WNT2B: variants seen among roughly 807,000 people sequenced by gnomAD.
The protein encoded by WNT2B is Wnt family member 2B, also known as protein Wnt-2b.
A neutral mutation model predicts 40.5 loss-of-function variants in WNT2B; 19 were observed. The ratio of observed to expected loss-of-function variants is 0.47; its 90% confidence interval spans 0.33 to 0.69. The LOEUF (loss-of-function observed/expected upper bound fraction) is 0.69, where lower values mean the gene tolerates loss of function less well. WNT2B is among the 30% of genes least tolerant of loss of function. The pLI is 0.02. For synonymous variants in WNT2B, 220 were observed against 211.9 expected (o/e 1.04, Z -0.33); for missense variants, 467 against 556.4 (o/e 0.84, Z 1.62).
intron 1 of WNT2B, among the ~76,000 whole-genome samples, chr1:112,511,458 A>G (rs902699104): frequency 6.6e-6 from 1 of 152,182 alleles, no homozygotes. Context: ...CTAAGCCCCC[A>G]AGCCTTTCTC....
At chr1:112,487,176 C>T (rs1651443687) in intron 1 of WNT2B, among the ~76,000 whole-genome samples, 1 of 152,086 alleles carries the variant, frequency 6.6e-6, no homozygotes, top group Non-Finnish European at 1.5e-5. Flanking sequence ...CTCAATTATG[C>T]TAGTGAAAGA....
Position 112,515,149 on chromosome 1 carries a change from T to C in WNT2B, c.403+55T>C, listed in dbSNP as rs1291262378. 1 of 1,576,038 alleles carries C rather than the reference T, an allele frequency of 6.3e-7. No individual in the cohort carries two copies. The highest frequency in any genetic ancestry group is 8.6e-7 in the Non-Finnish European group (1 of 1,157,988). ...CCTTCCCTTTCTGTGCTGGGGGTGG[T>C]GAGTGGGAAGAGTAGGCAAGATCTC... On this transcript the variant is annotated intron_variant, in intron 2 of 4. Transcript: ENST00000369684. The surrounding 1 kb of genome is among the most constrained non-coding windows in gnomAD (Gnocchi z 4.4).
chr1:112,497,865 G>A (rs1474381474), intron 1 of WNT2B, among the ~76,000 whole-genome samples: 1 of 151,626 alleles, frequency 6.6e-6, no homozygotes, highest in Non-Finnish European at 1.5e-5. Flanking sequence ...AGTACCCCGA[G>A]CACTTTGCTG....
intron 1 of WNT2B, among the ~76,000 whole-genome samples, chr1:112,495,355 T>G (rs1651727226): frequency 6.6e-6 from 1 of 151,876 alleles, no homozygotes; most frequent in Non-Finnish European, 1.5e-5. Context: ...GGTGGGCAGA[T>G]CACGAGGTCA....
chr1:112,502,088 C>T (rs1161142760), intron 1 of WNT2B, among the ~76,000 whole-genome samples: 1 of 152,240 alleles, frequency 6.6e-6, no homozygotes, highest in Non-Finnish European at 1.5e-5. Context: ...GGGCTGGGGC[C>T]CTGGCCAGGC....
rs749473697 is a variant in WNT2B, at chr1:112,516,257, G to A, written c.521G>A (p.Gly174Asp). 6.2e-7 allele frequency: 1 copy of A among 1,614,128 alleles called. No homozygotes were observed. Among genetic ancestry groups the A allele is most frequent in the Non-Finnish European group, 8.5e-7 (1 of 1,180,038 alleles). The change falls in exon 3 of 5, where the codon GGC (glycine) becomes GAC (aspartate). Residue 174 changes from glycine to aspartate, a missense_variant. Coordinates refer to ENST00000369684, the MANE Select transcript of WNT2B (RefSeq NM_024494.3). ...TGCAGCTGTGACCCCTACACCCGTG[G>A]CCGACACCATGACCAGCGTGGGGAC... The part of the protein sequence containing the change: ...SVCSCDPYTR[G>D]RHHDQRGDFD...
chr1:112,467,315 G>A, exon 1 of WNT2B: 2 of 509,846 alleles, frequency 3.9e-6, no homozygotes, highest in South Asian at 6.0e-5. Context: ...TATTTGGTGG[G>A]CCACTGGAAG....
In WNT2B at chr1:112,494,037, C is replaced by T. The variant is rs1557913298; in HGVS notation, c.-94-20837C>T. 4.0e-5 allele frequency among the ~76,000 whole-genome samples: 6 copies of T among 151,886 alleles called. No individual in the cohort carries two copies. In the East Asian group the frequency reaches 7.7e-4, roughly 20 times the overall value. On this transcript the variant is annotated intron_variant, in intron 1 of 4. Transcript: ENST00000256640. ...AAAAAGTACATCTACCGGCCAGGCG[C>T]GGTGGCTCATGCCTGTAATCCCAGC...
chr1:112,477,917 A>G (rs1208769960), intron 1 of WNT2B, among the ~76,000 whole-genome samples: 2 of 152,342 alleles, frequency 1.3e-5, no homozygotes, highest in East Asian at 3.9e-4. Flanking sequence ...ACTGAAATCA[A>G]TATATGTATT....
chr1:112,481,840 A>G (rs961963402), intron 1 of WNT2B, among the ~76,000 whole-genome samples: 11 of 151,780 alleles, frequency 7.2e-5, no homozygotes, highest in African/African-American at 1.7e-4. Context: ...GGAGACCCCC[A>G]TATCTACAAA....
rs3828075 is a variant in WNT2B at position 112,509,314 on chromosome 1, G to T, written c.52G>T (p.Ala18Ser). 2.6e-6 allele frequency: 4 copies of T among 1,567,970 alleles called. No homozygotes were observed. The South Asian group carries it at 3.4e-5, about 13-fold the overall frequency. ...EEAAQLPLRRASAPVPVPSPA... is the reference protein window; with the variant it reads ...EEAAQLPLRRSSAPVPVPSPA... ...AGCTGCGCAGCTCCCGCTTCGGCGCGCCAGCGCCCCGGTCCCTGTGCCGTC... is the reference window on the plus strand; with the variant it reads ...AGCTGCGCAGCTCCCGCTTCGGCGCTCCAGCGCCCCGGTCCCTGTGCCGTC... The change falls in exon 1 of 5, where the codon GCC becomes TCC. Residue 18 changes from alanine (A) to serine (S), a missense_variant. By Grantham distance (99) the Ala-to-Ser change is moderately conservative (BLOSUM62 1). Coordinates refer to ENST00000369684, the MANE Select transcript of WNT2B (RefSeq NM_024494.3). This position sits in a 1 kb window ranked among gnomAD's most constrained non-coding sequence, Gnocchi z 4.2.
chr1:112,482,196 G>A (rs1182398964), intron 1 of WNT2B, among the ~76,000 whole-genome samples: 2 of 151,664 alleles, frequency 1.3e-5, no homozygotes, highest in Admixed American at 6.6e-5. Flanking sequence ...GTGCATGCCT[G>A]TGGTTCCAAC....
At position 112,497,425 on chromosome 1, in the gene WNT2B, T is replaced by C. The variant is rs372939456; in HGVS notation, c.-94-17449T>C. On this transcript the variant is annotated intron_variant, in intron 1 of 4. Coordinates refer to the WNT2B transcript ENST00000256640. ...CTGCCAAGGTTTATGGCTTGTGCCT[T>C]CTGGGGCAGCAGCCCCAGCTGCACC... 3.3e-5 allele frequency among the ~76,000 whole-genome samples: 5 copies of C among 152,242 alleles called. No homozygotes were observed. In the East Asian group the frequency reaches 7.7e-4, roughly 23 times the overall value.
chr1:112,511,387 A>T (rs1229714082), intron 1 of WNT2B, among the ~76,000 whole-genome samples: 1 of 152,160 alleles, frequency 6.6e-6, no homozygotes, highest in African/African-American at 2.4e-5. Flanking sequence ...ACAGGCCCAG[A>T]TGCCTGCCTC....
rs1186297421 is a variant in WNT2B, at chr1:112,528,449, C to G, written c.*7940C>G. ...ATTTATGTCAGTAAACATCAGGGCACCTATGGAAAAGCACAAGGATGAGTC... is the reference window on the plus strand; with the variant it reads ...ATTTATGTCAGTAAACATCAGGGCAGCTATGGAAAAGCACAAGGATGAGTC... On this transcript the variant is annotated 3_prime_UTR_variant, in exon 5 of 5. Transcript: ENST00000369684. 6.6e-6 allele frequency: 1 copy of G among 151,930 alleles called. No individual in the cohort carries two copies. The highest frequency in any genetic ancestry group is 1.5e-5 in the Non-Finnish European group (1 of 67,984). The allele number at this position is 151,930 out of a possible 1,614,324, so 9.4% of individuals were successfully genotyped here.
In WNT2B at chr1:112,527,031, C is replaced by T. The variant is rs894015436; in HGVS notation, c.*6522C>T. Reference sequence around the variant, plus strand: ...TGATCAAACACTTGCTGCTCTCAACCCCTCTTTGTTTTCCCATCCAAAATC... The same window carrying T: ...TGATCAAACACTTGCTGCTCTCAACTCCTCTTTGTTTTCCCATCCAAAATC... On this transcript the variant is annotated 3_prime_UTR_variant, in exon 5 of 5. Transcript: ENST00000369684. The T allele has an allele frequency of 6.6e-6, 1 of 152,200 alleles. No homozygotes were observed. Among genetic ancestry groups the T allele is most frequent in the African/African-American group, 2.4e-5 (1 of 41,450 alleles). The allele number at this position is 152,200 out of a possible 1,614,324, so 9.4% of individuals were successfully genotyped here.
intron 1 of WNT2B, chr1:112,467,676 A>T (rs1650746576): frequency 1.4e-6 from 1 of 713,350 alleles, no homozygotes; most frequent in African/African-American, 1.7e-5. Flanking sequence ...TTACATATTT[A>T]TGGGGTATAT....
Position 112,525,015 on chromosome 1 carries a change from G to A in WNT2B, c.*4506G>A, listed in dbSNP as rs1038491582. On this transcript the variant is annotated 3_prime_UTR_variant, in exon 5 of 5. Coordinates refer to ENST00000369684, the MANE Select transcript of WNT2B (RefSeq NM_024494.3). The stretch of plus-strand genomic sequence containing the variant: ...GGTGGTTGGGGGAAGGATGCAGGAA[G>A]GGCATGGTGAGGAGAGATCAGTGGT... 1 of 152,274 alleles carries A rather than the reference G, an allele frequency of 6.6e-6. No homozygotes were observed. The highest frequency in any genetic ancestry group is 2.4e-5 in the African/African-American group (1 of 41,454). The allele number at this position is 152,274 out of a possible 1,614,324, so 9.4% of individuals were successfully genotyped here.
intron 1 of WNT2B, 71 bp from the exon 2 acceptor site, chr1:112,514,793 GCTAAACGTAC>G (rs1262703761): frequency 2.2e-6 from 3 of 1,384,732 alleles, no homozygotes; most frequent in Non-Finnish European, 3.1e-6. Context: ...AGGTCTGGAT[GCTAAACGTAC>G]CCCTTCCTTA....
Sources: gnomAD v4.1 joint callset for allele counts (sites outside exome capture counted in the v4.1 genomes callset) on GRCh38, gnomAD v4.1.1 for gene constraint, Gnocchi (gnomAD v3.1) non-coding constraint, MANE v1.5 for transcripts, NCBI Gene and HGNC (gene_info 2026-07-23, HGNC 2026-07-21) for gene names.